Variants in CADM1 observed in about 807,000 individuals in gnomAD.
The protein encoded by CADM1 is TSLC-1.
In CADM1, 15 loss-of-function variants were observed where a neutral mutation model predicts 53.1. The observed-to-expected ratio is 0.28, with a 90% CI of 0.19 to 0.44. The LOEUF (loss-of-function observed/expected upper bound fraction) is 0.44. CADM1 is among the 20% of genes least tolerant of loss of function. The pLI is 1.00. For missense variants in CADM1, 434 were observed against 611.3 expected (o/e 0.71, Z 3.06); for synonymous variants, 281 against 243.0 (o/e 1.16, Z -1.45).
intron 1 of CADM1, among the ~76,000 whole-genome samples, chr11:115,372,829 C>T (rs1946341088): frequency 1.3e-5 from 2 of 152,106 alleles, no homozygotes; most frequent in South Asian, 4.1e-4. Context: ...ACAAGGAAAA[C>T]ACTGGAACTC....
intron 8 of CADM1, among the ~76,000 whole-genome samples, chr11:115,205,548 C>A (rs950422763): frequency 6.6e-6 from 1 of 152,114 alleles, no homozygotes; most frequent in African/African-American, 2.4e-5. Flanking sequence ...GACTCTTACC[C>A]GGGGTAATGG....
intron 1 of CADM1, among the ~76,000 whole-genome samples, chr11:115,450,698 T>A (rs985435717): frequency 6.6e-6 from 1 of 152,232 alleles, no homozygotes; most frequent in Non-Finnish European, 1.5e-5. Context: ...TATGCTCAAG[T>A]TCCAAAGTGA....
chr11:115,491,195 G>A (rs1949489303), intron 1 of CADM1, among the ~76,000 whole-genome samples: 2 of 152,100 alleles, frequency 1.3e-5, no homozygotes, highest in African/African-American at 4.8e-5. Flanking sequence ...GTAAGGCATG[G>A]TTATTAAATA....
intron 1 of CADM1, among the ~76,000 whole-genome samples, chr11:115,281,703 A>T (rs1943589031): frequency 6.6e-6 from 1 of 152,230 alleles, no homozygotes; most frequent in East Asian, 1.9e-4. Context: ...ATGCAGTACA[A>T]GGTACACCTT....
At chr11:115,481,938 A>G (rs1407182034) in intron 1 of CADM1, among the ~76,000 whole-genome samples, 3 of 151,324 alleles carry the variant, frequency 2.0e-5, no homozygotes, top group Non-Finnish European at 4.4e-5. Context: ...CCTCATTGAC[A>G]CTCTCCATGG....
intron 1 of CADM1, among the ~76,000 whole-genome samples, chr11:115,384,113 T>G (rs887856372): frequency 6.6e-6 from 1 of 152,218 alleles, no homozygotes; most frequent in Non-Finnish European, 1.5e-5. Flanking sequence ...CAGAATTGAC[T>G]AAGCAGTCTC....
chr11:115,492,977 G>T (rs314480), intron 1 of CADM1, among the ~76,000 whole-genome samples: 9,259 of 150,512 alleles, frequency 0.062, 348 homozygotes, highest in Middle Eastern at 0.099. Flanking sequence ...GTTTGCTCAC[G>T]GAAAAGTTTA....
At chr11:115,500,182 T>C (rs377529910) in intron 1 of CADM1, among the ~76,000 whole-genome samples, 1 of 152,226 alleles carries the variant, frequency 6.6e-6, no homozygotes, top group East Asian at 1.9e-4. Flanking sequence ...TTTGAATCCT[T>C]TGGATTTATT....
At chr11:115,502,434 C>T (rs549900259) in intron 1 of CADM1, among the ~76,000 whole-genome samples, 1 of 144,564 alleles carries the variant, frequency 6.9e-6, no homozygotes, top group South Asian at 2.2e-4. Flanking sequence ...TTAACTGACA[C>T]TGGCGCTTTT....
intron 1 of CADM1, among the ~76,000 whole-genome samples, chr11:115,401,989 C>T (rs1322837759): frequency 6.6e-6 from 1 of 151,472 alleles, no homozygotes; most frequent in Non-Finnish European, 1.5e-5. Context: ...GCCCAACACC[C>T]CCACAAAAAA....
At chr11:115,260,907 C>G (rs1423568693) in intron 1 of CADM1, among the ~76,000 whole-genome samples, 6 of 152,066 alleles carry the variant, frequency 3.9e-5, no homozygotes, top group Non-Finnish European at 7.4e-5. Flanking sequence ...ATCTTCTGAC[C>G]TCATGATCCG....
chr11:115,315,071 A>G, intron 1 of CADM1, among the ~76,000 whole-genome samples: 1 of 152,180 alleles, frequency 6.6e-6, no homozygotes, highest in East Asian at 1.9e-4. Context: ...TATGCAAGAG[A>G]AACAGATGCT....
chr11:115,254,288 A>C (rs1942702823), intron 1 of CADM1, among the ~76,000 whole-genome samples: 1 of 152,216 alleles, frequency 6.6e-6, no homozygotes. Context: ...CACTTTTTGA[A>C]GTAACTGGTC....
chr11:115,429,898 G>A (rs17444386), intron 1 of CADM1, among the ~76,000 whole-genome samples: 18,886 of 152,154 alleles, frequency 0.12, 1,570 homozygotes, highest in Non-Finnish European at 0.18. Context: ...GCAGTGTCTG[G>A]CATGTACTCC....
At chr11:115,301,315 C>A (rs762698365) in intron 1 of CADM1, among the ~76,000 whole-genome samples, 4 of 151,974 alleles carry the variant, frequency 2.6e-5, no homozygotes, top group Admixed American at 6.6e-5. Flanking sequence ...TATGACACAG[C>A]CCGGGAGGGA....
At chr11:115,258,867 A>G (rs889403564) in intron 1 of CADM1, among the ~76,000 whole-genome samples, 1 of 152,222 alleles carries the variant, frequency 6.6e-6, no homozygotes, top group East Asian at 1.9e-4. Flanking sequence ...AAGAAGCACA[A>G]TCATTTTTAT....
chr11:115,380,998 C>T (rs1206994875), intron 1 of CADM1, among the ~76,000 whole-genome samples: 1 of 151,928 alleles, frequency 6.6e-6, no homozygotes, highest in African/African-American at 2.4e-5. Flanking sequence ...TCATACAAAC[C>T]TTAAAAATAA....
At chr11:115,226,884 T>G (rs1186388441) in intron 5 of CADM1, among the ~76,000 whole-genome samples, 1 of 152,214 alleles carries the variant, frequency 6.6e-6, no homozygotes, top group East Asian at 1.9e-4. Flanking sequence ...CCTGGCTGAC[T>G]CTGCAAAGTT....
chr11:115,288,176 T>G (rs534492058), intron 1 of CADM1, among the ~76,000 whole-genome samples: 133 of 152,250 alleles, frequency 8.7e-4, no homozygotes, highest in African/African-American at 3.0e-3. Flanking sequence ...ACAGGGAGAA[T>G]GGCCTTGGTG....
Sources: gnomAD v4.1 joint callset for allele counts (sites outside exome capture counted in the v4.1 genomes callset) on GRCh38, gnomAD v4.1.1 for gene constraint, MANE v1.5 for transcripts, NCBI Gene and HGNC (gene_info 2026-07-23, HGNC 2026-07-21) for gene names.